GLIS1: variants seen among roughly 807,000 people sequenced by gnomAD.
The protein encoded by GLIS1 is GLIS family zinc finger 1.
GLIS1 carries 24 observed loss-of-function variants against 63.8 expected under a neutral mutation model. That is an observed-to-expected ratio of 0.38 (90% confidence interval 0.27 to 0.53). The LOEUF (loss-of-function observed/expected upper bound fraction) is 0.53. Ranked by LOEUF, GLIS1 falls within the 20% of genes least tolerant of loss-of-function variation. GLIS1 has a pLI of 0.85. For missense variants in GLIS1, 1,036 were observed against 1,074.1 expected, an observed-to-expected ratio of 0.96 and a Z score of 0.50; for synonymous variants, 450 against 482.5, an observed-to-expected ratio of 0.93 and a Z score of 0.88.
At chr1:53,520,572 C>T (rs1644396893) in intron 7 of GLIS1, 62 bp downstream of exon 7, 4 of 1,512,312 alleles carry the variant, frequency 2.6e-6, no homozygotes, top group Non-Finnish European at 3.5e-6. Flanking sequence ...TTGTCCTTGA[C>T]TGTGGGCAGA....
intron 2 of GLIS1, among the ~76,000 whole-genome samples, chr1:53,613,629 A>T (rs1376785978): frequency 4.5e-5 from 6 of 133,360 alleles, no homozygotes; most frequent in African/African-American, 1.7e-4. Flanking sequence ...GTTATTATGT[A>T]ATTTAAAAAT....
chr1:53,576,659 C>T (rs543776816), intron 4 of GLIS1, among the ~76,000 whole-genome samples: 5 of 152,292 alleles, frequency 3.3e-5, no homozygotes, highest in East Asian at 1.9e-4. Context: ...GGATCAGCTC[C>T]GCCTTCCTGG....
chr1:53,573,718 A>G (rs1486331593), intron 4 of GLIS1, among the ~76,000 whole-genome samples: 1 of 152,236 alleles, frequency 6.6e-6, no homozygotes, highest in Non-Finnish European at 1.5e-5. Context: ...GCATGCACAC[A>G]TGGGCCCTCA....
rs529220333 is a variant in GLIS1, at chr1:53,738,468, G to C, written c.-42-362C>G. ...TGTTCCGCGTCCCCCAGTGGAACAC[G>C]GAGCCGGCGGCAACGAGGATTCCCA... On this transcript the variant is annotated intron_variant, in intron 1 of 10. Transcript: ENST00000628545. 3.2e-4 allele frequency among the ~76,000 whole-genome samples: 49 copies of C among 152,298 alleles called. No homozygotes were observed. The South Asian group carries it at 5.4e-3, about 17-fold the overall frequency.
chr1:53,623,602 T>G (rs1645567284), intron 2 of GLIS1, among the ~76,000 whole-genome samples: 1 of 152,158 alleles, frequency 6.6e-6, no homozygotes. Flanking sequence ...CTCTTTAACC[T>G]CAGATAACAT....
intron 4 of GLIS1, among the ~76,000 whole-genome samples, chr1:53,585,551 G>C (rs1350467359): frequency 1.3e-5 from 2 of 151,500 alleles, no homozygotes; most frequent in African/African-American, 4.9e-5. Flanking sequence ...GGGTGAAACA[G>C]GGCAGGGTGG....
At chr1:53,613,326 T>C (rs749114716) in intron 2 of GLIS1, among the ~76,000 whole-genome samples, 1 of 152,226 alleles carries the variant, frequency 6.6e-6, no homozygotes, top group Non-Finnish European at 1.5e-5. Context: ...AAAACGACCA[T>C]TTAATGAATG....
chr1:53,525,942 T>G (rs1308227685), intron 5 of GLIS1, among the ~76,000 whole-genome samples: 1 of 152,186 alleles, frequency 6.6e-6, no homozygotes, highest in Non-Finnish European at 1.5e-5. Context: ...TGATTCATCC[T>G]AGGTCTGAGT....
At chr1:53,688,363 G>A (rs919220716) in intron 2 of GLIS1, among the ~76,000 whole-genome samples, 11 of 152,138 alleles carry the variant, frequency 7.2e-5, no homozygotes, top group African/African-American at 2.4e-4. Flanking sequence ...AAGACGTGGC[G>A]GGTGGAAGGG....
At chr1:53,643,957 G>A (rs1645815157) in intron 2 of GLIS1, among the ~76,000 whole-genome samples, 1 of 152,190 alleles carries the variant, frequency 6.6e-6, no homozygotes, top group Non-Finnish European at 1.5e-5. Flanking sequence ...TGAGCTGGGA[G>A]CCCAGCCCTG....
intron 5 of GLIS1, among the ~76,000 whole-genome samples, chr1:53,528,345 C>T (rs560073847): frequency 6.6e-6 from 1 of 152,198 alleles, no homozygotes; most frequent in Non-Finnish European, 1.5e-5. Flanking sequence ...TCAGCTCTTC[C>T]AGCAGAGAGC....
At chr1:53,640,796 C>T (rs1645779020) in intron 2 of GLIS1, among the ~76,000 whole-genome samples, 1 of 152,212 alleles carries the variant, frequency 6.6e-6, no homozygotes, top group Admixed American at 6.5e-5. Flanking sequence ...CTGCCACTCC[C>T]TCCCCTACCC....
At chr1:53,700,630 TTCACATA>T (rs1646513673) in intron 2 of GLIS1, among the ~76,000 whole-genome samples, 1 of 152,184 alleles carries the variant, frequency 6.6e-6, no homozygotes, top group Non-Finnish European at 1.5e-5. Flanking sequence ...TGAGATACAA[TTCACATA>T]TCACAAGATT....
chr1:53,511,285 A>C lies in GLIS1; in HGVS notation c.1884-1258T>G, dbSNP rs1201572757. ...TGTCACAGCTCCAGGTGACCTCGTGACCCTTGCCCACCCTCTGAGACACCA... is the reference window on the plus strand; with the variant it reads ...TGTCACAGCTCCAGGTGACCTCGTGCCCCTTGCCCACCCTCTGAGACACCA... On this transcript the variant is annotated intron_variant, in intron 8 of 10. Transcript: ENST00000628545. The surrounding 1 kb of genome is among the most constrained non-coding windows in gnomAD (Gnocchi z 4.2). Among the ~76,000 whole-genome samples the C allele has an allele frequency of 6.6e-6, 1 of 152,110 alleles. No homozygotes were observed. Among genetic ancestry groups the C allele is most frequent in the Non-Finnish European group, 1.5e-5 (1 of 68,026 alleles).
Position 53,560,280 on chromosome 1 carries a change from T to A in GLIS1, c.1321-30328A>T, listed in dbSNP as rs532138999. Among the ~76,000 whole-genome samples, 1 of 152,260 alleles carries A rather than the reference T, an allele frequency of 6.6e-6. No individual in the cohort carries two copies. The highest frequency in any genetic ancestry group is 2.4e-5 in the African/African-American group (1 of 41,542). On this transcript the variant is annotated intron_variant, in intron 4 of 10. Transcript: ENST00000628545. This position sits in a 1 kb window ranked among gnomAD's most constrained non-coding sequence, Gnocchi z 4.4. ...TGGGGGCAGCAGCTGTGTTGACTCA[T>A]CTCTGTCCCAGCACTGAGGGAAGAC...
At chr1:53,671,296 C>T (rs1646147939) in intron 2 of GLIS1, among the ~76,000 whole-genome samples, 1 of 152,180 alleles carries the variant, frequency 6.6e-6, no homozygotes, top group Non-Finnish European at 1.5e-5. Flanking sequence ...GTTTAACATA[C>T]GGAGTCAACA....
chr1:53,734,894 C>G (rs964947618), intron 2 of GLIS1, among the ~76,000 whole-genome samples: 1 of 152,196 alleles, frequency 6.6e-6, no homozygotes, highest in Non-Finnish European at 1.5e-5. Flanking sequence ...GCTTTTCCAG[C>G]TGTTTGGAAT....
chr1:53,669,897 T>C, intron 2 of GLIS1, among the ~76,000 whole-genome samples: 1 of 152,180 alleles, frequency 6.6e-6, no homozygotes, highest in East Asian at 1.9e-4. Flanking sequence ...GGGGAACTGC[T>C]TTAGAGAGGA....
At chr1:53,561,633 A>T (rs1469237640) in intron 4 of GLIS1, among the ~76,000 whole-genome samples, 3 of 152,214 alleles carry the variant, frequency 2.0e-5, no homozygotes, top group African/African-American at 4.8e-5. Context: ...CAAAATCCAG[A>T]GCACTGGCCT....
Sources: allele counts gnomAD v4.1 joint callset (sites outside exome capture counted in the v4.1 genomes callset), GRCh38; gene constraint gnomAD v4.1.1; non-coding constraint Gnocchi (gnomAD v3.1); transcripts MANE v1.5; gene names NCBI Gene and HGNC (gene_info 2026-07-23, HGNC 2026-07-21).